The following RGS17 variants were observed in gnomAD, a reference collection of about 807,000 sequenced individuals.
RGS17 encodes the protein regulator of G protein signaling 17.
Under a neutral mutation model 25.5 loss-of-function variants are expected in RGS17, and 12 were observed. The observed-to-expected ratio is 0.47, with a 90% CI of 0.30 to 0.76. The LOEUF (loss-of-function observed/expected upper bound fraction) is 0.76. RGS17 is among the 30% of genes least tolerant of loss of function. RGS17 has a pLI of 0.07. For synonymous variants in RGS17, 71 were observed against 76.9 expected (o/e 0.92, Z 0.40); for missense variants, 196 against 242.2 (o/e 0.81, Z 1.27).
intron 3 of RGS17, among the ~76,000 whole-genome samples, chr6:153,025,134 A>T (rs2129107026): frequency 7.2e-6 from 1 of 138,908 alleles, no homozygotes; most frequent in Non-Finnish European, 1.5e-5. Context: ...ACATAGCAAG[A>T]TCCTGTCTCT....
intron 1 of RGS17, among the ~76,000 whole-genome samples, chr6:153,107,985 T>G (rs532970227): frequency 7.5e-4 from 115 of 152,348 alleles, no homozygotes; most frequent in Non-Finnish European, 1.4e-3. Context: ...GAGCTCAGAT[T>G]GCTCCAAATG....
At chr6:153,102,818 C>T (rs1777324972) in intron 1 of RGS17, among the ~76,000 whole-genome samples, 1 of 152,208 alleles carries the variant, frequency 6.6e-6, no homozygotes, top group Non-Finnish European at 1.5e-5. Context: ...ACAATGCAAA[C>T]ATTAGGCATT....
intron 2 of RGS17, 107 bp downstream of exon 2, chr6:153,043,792 CA>C (rs1011433983): frequency 3.4e-5 from 22 of 644,384 alleles, no homozygotes; most frequent in Admixed American, 8.9e-5. Flanking sequence ...AAAGAAAGAA[CA>C]AAAAAAGACA....
intron 1 of RGS17, among the ~76,000 whole-genome samples, chr6:153,062,454 G>A (rs1776653191): frequency 6.6e-6 from 1 of 152,128 alleles, no homozygotes; most frequent in Non-Finnish European, 1.5e-5. Flanking sequence ...CCTAGCTGGA[G>A]GGGAATCACT....
At chr6:153,123,017 GTATT>G (rs1405222524) in intron 1 of RGS17, among the ~76,000 whole-genome samples, 2 of 109,184 alleles carry the variant, frequency 1.8e-5, no homozygotes, top group East Asian at 7.9e-4. Context: ...GTACATTGGA[GTATT>G]TAATACTCCA....
At chr6:153,099,155 TAC>T (rs1777259696) in intron 1 of RGS17, among the ~76,000 whole-genome samples, 1 of 152,162 alleles carries the variant, frequency 6.6e-6, no homozygotes, top group African/African-American at 2.4e-5. Flanking sequence ...AGACACTAAA[TAC>T]ACATGATTTA....
chr6:153,059,275 T>C (rs1776604791), intron 1 of RGS17, among the ~76,000 whole-genome samples: 1 of 152,230 alleles, frequency 6.6e-6, no homozygotes, highest in Non-Finnish European at 1.5e-5. Flanking sequence ...TGTATATCTA[T>C]TGGTCGCATT....
chr6:153,040,915 A>C (rs1776313745), intron 2 of RGS17, among the ~76,000 whole-genome samples: 1 of 151,202 alleles, frequency 6.6e-6, no homozygotes, highest in African/African-American at 2.4e-5. Flanking sequence ...AGCACTTTTG[A>C]GAGGCTGAGG....
At chr6:153,129,297 C>T (rs945336416) in intron 1 of RGS17, among the ~76,000 whole-genome samples, 3 of 152,130 alleles carry the variant, frequency 2.0e-5, no homozygotes, top group African/African-American at 7.2e-5. Context: ...AATGGCTTAA[C>T]AACAGTAACA....
At chr6:153,102,564 T>C (rs896084099) in intron 1 of RGS17, among the ~76,000 whole-genome samples, 2 of 152,154 alleles carry the variant, frequency 1.3e-5, no homozygotes, top group African/African-American at 4.8e-5. Flanking sequence ...TGGGGGCAGC[T>C]TCCCCCATGC....
chr6:153,109,897 T>C (rs1001883891), intron 1 of RGS17, among the ~76,000 whole-genome samples: 1 of 152,244 alleles, frequency 6.6e-6, no homozygotes, highest in Non-Finnish European at 1.5e-5. Flanking sequence ...ACATGGTGCC[T>C]GAATAATCAA....
At chr6:153,053,407 G>T (rs972000666) in intron 1 of RGS17, among the ~76,000 whole-genome samples, 7 of 152,174 alleles carry the variant, frequency 4.6e-5, no homozygotes, top group Non-Finnish European at 2.9e-5. Context: ...TGTTCGGGAA[G>T]ATAACGATCA....
At chr6:153,103,234 C>G (rs1040424408) in intron 1 of RGS17, among the ~76,000 whole-genome samples, 24 of 152,304 alleles carry the variant, frequency 1.6e-4, no homozygotes, top group African/African-American at 5.1e-4. Flanking sequence ...TTTAATCAAA[C>G]AGTGGTTAAG....
chr6:153,065,516 T>C lies in RGS17; in HGVS notation c.-25-21473A>G, dbSNP rs940425360. Among the ~76,000 whole-genome samples, 3 of 152,188 alleles carry C rather than the reference T, an allele frequency of 2.0e-5. No homozygotes were observed. In the South Asian group the frequency reaches 6.2e-4, roughly 31 times the overall value. On this transcript the variant is annotated intron_variant, in intron 1 of 4. Transcript: ENST00000206262. ...TCAGCACATGGATCATTCTCAAGGATAGATCACATGTTAGGTCATAAAACA... is the reference window on the plus strand; with the variant it reads ...TCAGCACATGGATCATTCTCAAGGACAGATCACATGTTAGGTCATAAAACA...
At chr6:153,040,857 T>C (rs2129109857) in intron 2 of RGS17, among the ~76,000 whole-genome samples, 1 of 152,102 alleles carries the variant, frequency 6.6e-6, no homozygotes, top group Middle Eastern at 3.4e-3. Context: ...TTTTATCCTT[T>C]TAAAAAAATT....
chr6:153,049,717 C>T (rs2129111641), intron 1 of RGS17, among the ~76,000 whole-genome samples: 1 of 152,026 alleles, frequency 6.6e-6, no homozygotes, highest in East Asian at 1.9e-4. Context: ...CACCACTGCA[C>T]TCCAGCCTGG....
intron 1 of RGS17, among the ~76,000 whole-genome samples, chr6:153,047,886 G>A (rs1032933671): frequency 6.6e-6 from 1 of 152,038 alleles, no homozygotes; most frequent in Admixed American, 6.6e-5. Context: ...TTGCCTCCTG[G>A]GCACCATACT....
At chr6:153,100,137 T>C (rs749841671) in intron 1 of RGS17, among the ~76,000 whole-genome samples, 52 of 152,154 alleles carry the variant, frequency 3.4e-4, no homozygotes, top group African/African-American at 1.2e-3. Context: ...AAAGACTACA[T>C]ACCCTGGGCA....
At chr6:153,104,809 C>T (rs1289436106) in intron 1 of RGS17, among the ~76,000 whole-genome samples, 4 of 146,622 alleles carry the variant, frequency 2.7e-5, no homozygotes, top group East Asian at 3.9e-4. Flanking sequence ...GGCTACAGAG[C>T]GAGACTCTTG....
Sources: allele counts gnomAD v4.1 joint callset (sites outside exome capture counted in the v4.1 genomes callset), GRCh38; gene constraint gnomAD v4.1.1; transcripts MANE v1.5; gene names NCBI Gene and HGNC (gene_info 2026-07-23, HGNC 2026-07-21).